The following ZNF536 variants were observed in gnomAD, a reference collection of about 807,000 sequenced individuals.
ZNF536 encodes zinc finger protein 536.
In ZNF536, 13 loss-of-function variants were observed where a neutral mutation model predicts 84.5. The ratio of observed to expected loss-of-function variants is 0.15; its 90% CI spans 0.10 to 0.24. The LOEUF is 0.24. ZNF536 is among the 10% of genes least tolerant of loss of function. ZNF536 has a pLI of 1.00. For synonymous variants in ZNF536, 811 were observed against 742.5 expected (o/e 1.09, Z -1.50); for missense variants, 1,536 against 1,747.5 (o/e 0.88, Z 2.16).
intron 1 of ZNF536, among the ~76,000 whole-genome samples, chr19:30,610,091 T>G (rs1460915375): frequency 6.6e-6 from 1 of 152,260 alleles, no homozygotes; most frequent in Non-Finnish European, 1.5e-5. Context: ...TACTACATGC[T>G]AGGCACTGTG....
At chr19:30,654,430 C>G (rs892737775) in intron 1 of ZNF536, among the ~76,000 whole-genome samples, 4 of 151,876 alleles carry the variant, frequency 2.6e-5, no homozygotes, top group Non-Finnish European at 5.9e-5. Context: ...TCACCCCATC[C>G]CCAGTCTCTC....
At chr19:30,308,431 G>A (rs896650104) in intron 2 of ZNF536, among the ~76,000 whole-genome samples, 1 of 152,070 alleles carries the variant, frequency 6.6e-6, no homozygotes, top group African/African-American at 2.4e-5. Flanking sequence ...GAAATGGGGT[G>A]GGAGAAAGGT....
At chr19:30,629,545 T>C (rs1295866565) in intron 1 of ZNF536, among the ~76,000 whole-genome samples, 1 of 152,194 alleles carries the variant, frequency 6.6e-6, no homozygotes, top group Non-Finnish European at 1.5e-5. Flanking sequence ...GTGGACGTCC[T>C]TATTATCTCT....
chr19:30,575,603 C>T (rs1023823624), intron 1 of ZNF536, among the ~76,000 whole-genome samples: 3 of 152,226 alleles, frequency 2.0e-5, no homozygotes, highest in Non-Finnish European at 4.4e-5. Flanking sequence ...GCAAAAACTC[C>T]TCCCTGCCTT....
chr19:30,503,758 G>A (rs552983944), intron 2 of ZNF536, among the ~76,000 whole-genome samples: 5 of 152,038 alleles, frequency 3.3e-5, no homozygotes, highest in South Asian at 2.1e-4. Flanking sequence ...TCTCCCTGGC[G>A]CCAGAGCATC....
intron 1 of ZNF536, among the ~76,000 whole-genome samples, chr19:30,437,036 C>A (rs1221920672): frequency 6.6e-6 from 1 of 152,170 alleles, no homozygotes; most frequent in Non-Finnish European, 1.5e-5. Flanking sequence ...AAATCCAGTG[C>A]AAATGGTTAT....
chr19:30,617,610 A>C (rs1774147536), intron 1 of ZNF536, among the ~76,000 whole-genome samples: 1 of 151,838 alleles, frequency 6.6e-6, no homozygotes, highest in South Asian at 2.1e-4. Flanking sequence ...GTGGCCTCCC[A>C]AAGTGCTGGG....
At chr19:30,628,432 T>A (rs2048766918) in intron 1 of ZNF536, among the ~76,000 whole-genome samples, 1 of 141,554 alleles carries the variant, frequency 7.1e-6, no homozygotes, top group African/African-American at 3.0e-5. Context: ...AGTAGTCACT[T>A]TTTTTTTTTT....
chr19:30,527,291 A>G (rs1023972260), intron 2 of ZNF536, among the ~76,000 whole-genome samples: 2 of 145,710 alleles, frequency 1.4e-5, no homozygotes, highest in East Asian at 4.0e-4. Context: ...CCAATTCCAG[A>G]AATCGTCTCT....
chr19:30,642,380 C>T (rs1050359530), intron 1 of ZNF536, among the ~76,000 whole-genome samples: 3 of 152,128 alleles, frequency 2.0e-5, no homozygotes, highest in Non-Finnish European at 4.4e-5. Flanking sequence ...GTCAATCCTT[C>T]CCTGGGGGTT....
rs148781845 is a variant in ZNF536 at position 30,627,363 on chromosome 19, C to A, written c.169+77849C>A. Among the ~76,000 whole-genome samples, 228 of 147,036 alleles carry A rather than the reference C, an allele frequency of 1.6e-3. 3 individuals carry two copies. The highest frequency in any genetic ancestry group is 8.5e-3 in the Admixed American group (124 of 14,512). On this transcript the variant is annotated intron_variant, in intron 1 of 1. Transcript: ENST00000592773. ...GTACACATCTGTAGTCCCAGCTAAT[C>A]GGGAAGCTGAGGGAAGAGGATCACT...
chr19:30,299,871 T>C (rs2046122122), intron 2 of ZNF536, among the ~76,000 whole-genome samples: 1 of 152,128 alleles, frequency 6.6e-6, no homozygotes, highest in Admixed American at 6.5e-5. Context: ...AAAAAGGAAA[T>C]TGCTGCTTTT....
chr19:30,487,958 T>A (rs751765705), intron 2 of ZNF536, among the ~76,000 whole-genome samples: 1 of 152,210 alleles, frequency 6.6e-6, no homozygotes, highest in Non-Finnish European at 1.5e-5. Context: ...ACTGTATGGT[T>A]TCAGCAGCAA....
At chr19:30,544,605 T>C (rs898785468) in intron 3 of ZNF536, among the ~76,000 whole-genome samples, 1 of 152,114 alleles carries the variant, frequency 6.6e-6, no homozygotes, top group Non-Finnish European at 1.5e-5. Flanking sequence ...CCAAAAGCCA[T>C]GAGAGCAGAG....
chr19:30,373,952 C>T (rs1167590844), intron 1 of ZNF536, among the ~76,000 whole-genome samples: 2 of 152,216 alleles, frequency 1.3e-5, no homozygotes, highest in Non-Finnish European at 2.9e-5. Flanking sequence ...CGCCGCCCGC[C>T]TGTTTTCCGG....
chr19:30,669,782 A>G (rs1330358588), intron 1 of ZNF536, among the ~76,000 whole-genome samples: 2 of 152,158 alleles, frequency 1.3e-5, no homozygotes, highest in African/African-American at 4.8e-5. Context: ...AACTGTTCCT[A>G]TTGTTGGAAA....
intron 1 of ZNF536, among the ~76,000 whole-genome samples, chr19:30,660,236 A>G (rs1262781637): frequency 6.6e-6 from 1 of 151,832 alleles, no homozygotes; most frequent in Admixed American, 6.6e-5. Flanking sequence ...TTCAACAGCC[A>G]TGGCAGTGTG....
At chr19:30,255,448 C>T (rs887553377) in intron 1 of ZNF536, among the ~76,000 whole-genome samples, 2 of 151,956 alleles carry the variant, frequency 1.3e-5, no homozygotes, top group African/African-American at 4.8e-5. Context: ...AACACGGGTT[C>T]GGGTGGATGC....
Position 30,571,950 on chromosome 19 carries a change from G to A in ZNF536, c.169+22436G>A, listed in dbSNP as rs187462913. On this transcript the variant is annotated intron_variant, in intron 1 of 1. Transcript: ENST00000592773. ...AGACAAGGGGTGGTCTTGTTTTCAC[G>A]CATCCAAATTGATCCCTCTGAGTGC... 5.3e-5 allele frequency among the ~76,000 whole-genome samples: 8 copies of A among 152,236 alleles called. No individual in the cohort carries two copies. In the South Asian group the frequency reaches 6.2e-4, roughly 12 times the overall value.
Sources: allele counts gnomAD v4.1 joint callset (sites outside exome capture counted in the v4.1 genomes callset), GRCh38; gene constraint gnomAD v4.1.1; transcripts MANE v1.5; gene names NCBI Gene and HGNC (gene_info 2026-07-23, HGNC 2026-07-21).